ZDHHC17: variants seen among roughly 807,000 people sequenced by gnomAD.
ZDHHC17 encodes the protein palmitoyltransferase ZDHHC17.
In ZDHHC17, 40 loss-of-function variants were observed where a neutral mutation model predicts 90.3. The ratio of observed to expected loss-of-function variants is 0.44; its 90% confidence interval spans 0.34 to 0.58. ZDHHC17 has a LOEUF of 0.58. Among genes scored for constraint, ZDHHC17 ranks in the 20% least tolerant of loss-of-function variants. The pLI, the probability that ZDHHC17 is intolerant of heterozygous loss-of-function variation, is 0.01. For missense variants in ZDHHC17, 614 were observed against 780.8 expected (o/e 0.79, Z 2.55); for synonymous variants, 235 against 252.4 (o/e 0.93, Z 0.65).
chr12:76,766,145 T>C (rs1383947300), intron 1 of ZDHHC17, among the ~76,000 whole-genome samples: 1 of 152,270 alleles, frequency 6.6e-6, no homozygotes, highest in Non-Finnish European at 1.5e-5. Flanking sequence ...GGCTTGAAAT[T>C]TAGCTACCGA....
At position 76,803,379 on chromosome 12, in the gene ZDHHC17, G is replaced by A. The variant is rs149270317; in HGVS notation, c.198-1938G>A. Among the ~76,000 whole-genome samples, 499 of 152,238 alleles carry A rather than the reference G, an allele frequency of 3.3e-3. 1 individual carries two copies. Among genetic ancestry groups the A allele is most frequent in the African/African-American group, 0.011 (465 of 41,532 alleles). On this transcript the variant is annotated intron_variant, in intron 2 of 16. Coordinates refer to ENST00000426126, the MANE Select transcript of ZDHHC17 (RefSeq NM_015336.4). ...GGTCACATCCCAGAGCAATCCCCTC[G>A]TTCTCTGTAGGGAATATGAATCATT...
intron 1 of ZDHHC17, among the ~76,000 whole-genome samples, chr12:76,783,474 A>G (rs1952650332): frequency 6.6e-6 from 1 of 152,236 alleles, no homozygotes; most frequent in Non-Finnish European, 1.5e-5. Flanking sequence ...TGAACTCACT[A>G]TCATGAGAAC....
intron 1 of ZDHHC17, among the ~76,000 whole-genome samples, chr12:76,793,736 A>C (rs1261794971): frequency 6.6e-6 from 1 of 152,112 alleles, no homozygotes; most frequent in Non-Finnish European, 1.5e-5. Flanking sequence ...ATTTTTTTCT[A>C]TTATACCAAG....
At chr12:76,767,032 A>AAAAG (rs1952439365) in intron 1 of ZDHHC17, among the ~76,000 whole-genome samples, 1 of 150,574 alleles carries the variant, frequency 6.6e-6, no homozygotes, top group Non-Finnish European at 1.5e-5. Context: ...AAAAAAAAAA[A>AAAAG]AAGAAAAGAA....
At chr12:76,795,978 T>C (rs550286055) in intron 1 of ZDHHC17, among the ~76,000 whole-genome samples, 38 of 152,312 alleles carry the variant, frequency 2.5e-4, no homozygotes, top group African/African-American at 7.5e-4. Flanking sequence ...CATTTACTTG[T>C]TGAAAGATTA....
intron 1 of ZDHHC17, among the ~76,000 whole-genome samples, chr12:76,776,414 AC>A (rs1297558156): frequency 6.6e-6 from 1 of 152,172 alleles, no homozygotes; most frequent in Non-Finnish European, 1.5e-5. Context: ...ACAGGTAAAT[AC>A]TACTTTAAAG....
chr12:76,782,896 CG>C (rs1952643175), intron 1 of ZDHHC17, among the ~76,000 whole-genome samples: 1 of 151,896 alleles, frequency 6.6e-6, no homozygotes, highest in South Asian at 2.1e-4. Context: ...ACATCAGGGG[CG>C]GGGGATTCTT....
rs1267723673 is a variant in ZDHHC17, at chr12:76,764,142, G to A, written c.-95G>A. On this transcript the variant is annotated 5_prime_UTR_variant, in exon 1 of 17. Coordinates refer to ENST00000426126, the MANE Select transcript of ZDHHC17 (RefSeq NM_015336.4). ...CACGGGGGCAGGAGAAGAAGGAGGAGGAGGCCCGCGTCGCCTCCGGCGGGG... is the reference window on the plus strand; with the variant it reads ...CACGGGGGCAGGAGAAGAAGGAGGAAGAGGCCCGCGTCGCCTCCGGCGGGG... 2 of 963,266 alleles carry A rather than the reference G, an allele frequency of 2.1e-6. No homozygotes were observed. The highest frequency in any genetic ancestry group is 3.1e-6 in the Non-Finnish European group (2 of 653,634). 59.7% of individuals were successfully genotyped at this position (963,266 alleles called of 1,614,324 possible).
chr12:76,807,033 G>C (rs1347097539), intron 3 of ZDHHC17, among the ~76,000 whole-genome samples: 1 of 152,188 alleles, frequency 6.6e-6, no homozygotes, highest in Non-Finnish European at 1.5e-5. Context: ...GAATGGTTGT[G>C]TGTTAAAATC....
intron 1 of ZDHHC17, among the ~76,000 whole-genome samples, chr12:76,784,826 C>T (rs1952666982): frequency 2.0e-5 from 3 of 152,214 alleles, no homozygotes; most frequent in South Asian, 2.1e-4. Flanking sequence ...ACAGTCAAAG[C>T]AATGGCTACC....
At chr12:76,789,795 T>C (rs1952738613) in intron 1 of ZDHHC17, among the ~76,000 whole-genome samples, 1 of 151,902 alleles carries the variant, frequency 6.6e-6, no homozygotes, top group Non-Finnish European at 1.5e-5. Context: ...GTCAAAGAAA[T>C]CCCAGTTGAG....
At chr12:76,849,118 TAAAAAAA>T (rs1035048447) in intron 15 of ZDHHC17, among the ~76,000 whole-genome samples, 7 of 48,474 alleles carry the variant, frequency 1.4e-4, no homozygotes, top group African/African-American at 3.9e-4. Context: ...ACCCTATCTC[TAAAAAAA>T]AAAAAAAAAA....
intron 1 of ZDHHC17, 53 bp downstream of exon 1, chr12:76,764,382 T>C: frequency 6.6e-7 from 1 of 1,504,130 alleles, no homozygotes; most frequent in South Asian, 1.2e-5. Flanking sequence ...CAGCCTTTCT[T>C]CCCCGGACTC....
At chr12:76,767,071 T>G (rs1362170006) in intron 1 of ZDHHC17, among the ~76,000 whole-genome samples, 2 of 151,980 alleles carry the variant, frequency 1.3e-5, no homozygotes, top group Non-Finnish European at 2.9e-5. Context: ...CCTAGTTTAC[T>G]TGGCTGTAAG....
rs61663401 is a variant in ZDHHC17, at chr12:76,788,688, A to ATATTTTTTTTTTTTTTTTTTTTTTTTT, written c.94-8745_94-8744insATTTTTTTTTTTTTTTTTTTTTTTTTT. On this transcript the variant is annotated intron_variant, in intron 1 of 16. Coordinates refer to ENST00000426126, the MANE Select transcript of ZDHHC17 (RefSeq NM_015336.4). ...AAAATATATTTAAGTTGGAATCGCA[A>ATATTTTTTTTTTTTTTTTTTTTTTTTT]TTTTTTTTTTTTTTTTTTTTTTTTT... 5.5e-4 allele frequency among the ~76,000 whole-genome samples: 54 copies of ATATTTTTTTTTTTTTTTTTTTTTTTTT among 98,664 alleles called. 8 individuals are homozygous for ATATTTTTTTTTTTTTTTTTTTTTTTTT. Among genetic ancestry groups the ATATTTTTTTTTTTTTTTTTTTTTTTTT allele is most frequent in the East Asian group, 1.1e-3 (3 of 2,744 alleles). 64.7% of individuals were successfully genotyped at this position (98,664 alleles called of 152,430 possible).
chr12:76,797,574 G>T, intron 2 of ZDHHC17, 37 bp downstream of exon 2: 1 of 1,435,494 alleles, frequency 7.0e-7, no homozygotes, highest in Non-Finnish European at 9.6e-7. Flanking sequence ...TTTGGCATGT[G>T]TATTTCAAGT....
At chr12:76,778,206 GT>G (rs994025398) in intron 1 of ZDHHC17, among the ~76,000 whole-genome samples, 1 of 151,424 alleles carries the variant, frequency 6.6e-6, no homozygotes, top group East Asian at 1.9e-4. Context: ...GGCAAGGGAA[GT>G]TTTTTTTTGT....
At position 76,850,914 on chromosome 12, in the gene ZDHHC17, A is replaced by G. The variant is rs1428769415; in HGVS notation, c.1828A>G (p.Ile610Val). The G allele has an allele frequency of 1.9e-6, 3 of 1,613,962 alleles. No individual in the cohort carries two copies. The highest frequency in any genetic ancestry group is 1.7e-5 in the Admixed American group (1 of 60,020). The change falls in exon 17 of 17, where the codon ATC becomes GTC. Residue 610 changes from isoleucine (I) to valine (V), a missense_variant. Around this residue, in one of 5 missense-constraint regions of ZDHHC17, gnomAD observed 111 missense variants for 179.8 expected, o/e 0.62. Coordinates refer to ENST00000426126, the MANE Select transcript of ZDHHC17 (RefSeq NM_015336.4). ...FRCCGLFRPV[I>V]VDWTRQYTIE... ...ATGCTGTGGCCTCTTTCGTCCTGTT[A>G]TCGTGGACTGGACCAGGCAGTATAC... is the stretch of plus-strand genomic sequence containing the variant.
intron 2 of ZDHHC17, among the ~76,000 whole-genome samples, chr12:76,801,801 A>G (rs1016222025): frequency 2.6e-5 from 4 of 152,202 alleles, no homozygotes; most frequent in African/African-American, 9.7e-5. Flanking sequence ...ACAGAACTGC[A>G]TATGTATACA....
Sources: gnomAD v4.1 joint callset for allele counts (sites outside exome capture counted in the v4.1 genomes callset) on GRCh38, gnomAD v4.1.1 for gene constraint, gnomAD v4.1.1 regional missense constraint, MANE v1.5 for transcripts, NCBI Gene and HGNC (gene_info 2026-07-23, HGNC 2026-07-21) for gene names.